The following TAS2R1 variants were observed in gnomAD, a reference collection of about 807,000 sequenced individuals.
TAS2R1 encodes the protein taste 2 receptor member 1.
For synonymous variants in TAS2R1, 141 were observed against 134.2 expected (o/e 1.05, Z -0.35); for missense variants, 370 against 353.4 (o/e 1.05, Z -0.38).
the TAS2R1 span, among the ~76,000 whole-genome samples, chr5:9,861,686 G>A: frequency 1.3e-5 from 2 of 152,172 alleles, no homozygotes; most frequent in Admixed American, 1.3e-4. Context: ...GGTACAGAAT[G>A]GGTGTGTATA....
the TAS2R1 span, among the ~76,000 whole-genome samples, chr5:9,880,320 T>C: frequency 6.6e-6 from 1 of 152,186 alleles, no homozygotes; most frequent in Non-Finnish European, 1.5e-5. Flanking sequence ...TAAGGAATTT[T>C]GGCTCAGTTT....
At chr5:9,664,125 C>G (rs530523023) in intron 1 of TAS2R1, among the ~76,000 whole-genome samples, 9 of 152,124 alleles carry the variant, frequency 5.9e-5, no homozygotes. Flanking sequence ...CAGCCCCTAT[C>G]GAACCATGCC....
intron 1 of TAS2R1, among the ~76,000 whole-genome samples, chr5:9,690,412 A>C (rs978432315): frequency 7.2e-5 from 11 of 152,290 alleles, no homozygotes; most frequent in Middle Eastern, 3.4e-3. Flanking sequence ...GCATTGGCAC[A>C]GCCCCTAATA....
At chr5:9,716,067 T>C (rs1009819667), upstream of TAS2R1, among the ~76,000 whole-genome samples, 9 of 152,216 alleles carry the variant, frequency 5.9e-5, no homozygotes, top group East Asian at 1.7e-3. Flanking sequence ...CATCTCTTTG[T>C]GGCTATCACA....
intron 1 of TAS2R1, among the ~76,000 whole-genome samples, chr5:9,660,391 C>G (rs1346196733): frequency 6.6e-6 from 1 of 151,996 alleles, no homozygotes; most frequent in African/African-American, 2.4e-5. Context: ...TATTTCTAAA[C>G]AGATAAAAAA....
upstream of TAS2R1, among the ~76,000 whole-genome samples, chr5:9,717,004 A>T (rs1249892495): frequency 1.3e-5 from 2 of 152,224 alleles, no homozygotes; most frequent in Non-Finnish European, 2.9e-5. Context: ...AAATTCCAAC[A>T]GAACTCTCAC....
chr5:9,894,279 C>G, the TAS2R1 span, among the ~76,000 whole-genome samples: 1 of 152,114 alleles, frequency 6.6e-6, no homozygotes, highest in African/African-American at 2.4e-5. Context: ...TGGTGTGTGC[C>G]TGTAATCCCA....
At chr5:9,672,947 T>C (rs1258581682) in intron 1 of TAS2R1, among the ~76,000 whole-genome samples, 2 of 152,170 alleles carry the variant, frequency 1.3e-5, no homozygotes, top group Non-Finnish European at 2.9e-5. Context: ...ATATACACCA[T>C]GGAATACTAC....
At chr5:9,769,214 C>G in the TAS2R1 span, among the ~76,000 whole-genome samples, 2 of 152,138 alleles carry the variant, frequency 1.3e-5, no homozygotes, top group African/African-American at 4.8e-5. Flanking sequence ...ATAATGACCT[C>G]TAGTTCCATT....
At chr5:9,830,630 CACACAT>C in the TAS2R1 span, among the ~76,000 whole-genome samples, 27 of 152,030 alleles carry the variant, frequency 1.8e-4, no homozygotes, top group Non-Finnish European at 2.6e-4. Context: ...CACACACACA[CACACAT>C]ACAACAGAGA....
the TAS2R1 span, among the ~76,000 whole-genome samples, chr5:9,886,428 G>A: frequency 6.7e-6 from 1 of 149,448 alleles, no homozygotes; most frequent in South Asian, 2.1e-4. Flanking sequence ...TCCACCTCTG[G>A]GGTCCAAGCA....
the TAS2R1 span, among the ~76,000 whole-genome samples, chr5:9,755,246 T>C: frequency 6.6e-6 from 1 of 151,958 alleles, no homozygotes; most frequent in Admixed American, 6.6e-5. Flanking sequence ...AGAAAGAATT[T>C]AGGGCGAGTT....
the TAS2R1 span, among the ~76,000 whole-genome samples, chr5:9,789,804 G>C: frequency 6.6e-6 from 1 of 152,222 alleles, no homozygotes; most frequent in Non-Finnish European, 1.5e-5. Context: ...AAGTTATGCT[G>C]TGGCAACAAA....
At chr5:9,698,689 G>A (rs1233288765) in intron 1 of TAS2R1, among the ~76,000 whole-genome samples, 2 of 152,100 alleles carry the variant, frequency 1.3e-5, no homozygotes, top group East Asian at 3.9e-4. Context: ...AAATTCCTAA[G>A]TATTATACTC....
chr5:9,782,144 C>T, the TAS2R1 span, among the ~76,000 whole-genome samples: 1 of 152,238 alleles, frequency 6.6e-6, no homozygotes, highest in Non-Finnish European at 1.5e-5. Flanking sequence ...AAGGGCTTGC[C>T]TCTCTTACTC....
At chr5:9,671,419 T>A (rs534849523) in intron 1 of TAS2R1, among the ~76,000 whole-genome samples, 1 of 152,190 alleles carries the variant, frequency 6.6e-6, no homozygotes, top group East Asian at 1.9e-4. Context: ...AGCTTCTAGA[T>A]ATGATAAACA....
intron 2 of TAS2R1, among the ~76,000 whole-genome samples, chr5:9,654,209 G>T (rs1356595355): frequency 2.6e-5 from 4 of 152,076 alleles, no homozygotes; most frequent in Non-Finnish European, 4.4e-5. Context: ...GCTAGGTAAA[G>T]AATTTTTGAA....
At chr5:9,796,643 T>TTCA in the TAS2R1 span, among the ~76,000 whole-genome samples, 1,144 of 138,408 alleles carry the variant, frequency 8.3e-3, 8 homozygotes, top group African/African-American at 0.03. Flanking sequence ...AACAAAAGAG[T>TTCA]GGCCTGAAAG....
chr5:9,850,262 G>C, the TAS2R1 span, among the ~76,000 whole-genome samples: 1 of 152,142 alleles, frequency 6.6e-6, no homozygotes, highest in African/African-American at 2.4e-5. Flanking sequence ...CTATGTGTGT[G>C]CTTATTTCTG....
Sources: allele counts gnomAD v4.1 joint callset (sites outside exome capture counted in the v4.1 genomes callset), GRCh38; gene constraint gnomAD v4.1.1; transcripts MANE v1.5; gene names NCBI Gene and HGNC (gene_info 2026-07-23, HGNC 2026-07-21).